Variants in FGF2 observed in about 807,000 individuals in gnomAD.
The protein encoded by FGF2 is fibroblast growth factor 2, also known as basic fibroblast growth factor bFGF.
FGF2 carries 13 observed loss-of-function variants against 15.9 expected under a neutral mutation model. That is an observed-to-expected ratio of 0.82 (90% CI 0.53 to 1.30). The LOEUF (loss-of-function observed/expected upper bound fraction) is 1.30, where lower values mean the gene tolerates loss of function less well. FGF2 is among the 50% of genes most tolerant of loss of function. FGF2 has a pLI of 0.00. For synonymous variants in FGF2, 90 were observed against 78.4 expected (o/e 1.15, Z -0.78); for missense variants, 163 against 196.9 (o/e 0.83, Z 1.03).
chr4:122,867,424 A>G (rs1229841654), intron 1 of FGF2, among the ~76,000 whole-genome samples: 2 of 152,220 alleles, frequency 1.3e-5, no homozygotes, highest in Non-Finnish European at 2.9e-5. Flanking sequence ...AGATGGAGTT[A>G]ATTGATTTGA....
chr4:122,850,469 G>A (rs1157181284), intron 1 of FGF2, among the ~76,000 whole-genome samples: 10 of 152,228 alleles, frequency 6.6e-5, no homozygotes, highest in South Asian at 6.2e-4. Flanking sequence ...AACATTGAGC[G>A]ATGGTGGATG....
chr4:122,868,961 G>A (rs973226725), intron 1 of FGF2, among the ~76,000 whole-genome samples: 2 of 151,974 alleles, frequency 1.3e-5, no homozygotes, highest in Non-Finnish European at 2.9e-5. Context: ...TTTTTGATGA[G>A]GTTGTTTTTT....
At chr4:122,850,524 A>G (rs1726207886) in intron 1 of FGF2, among the ~76,000 whole-genome samples, 1 of 152,154 alleles carries the variant, frequency 6.6e-6, no homozygotes, top group Non-Finnish European at 1.5e-5. Context: ...ATAGCCTCAT[A>G]TATTTTTTGG....
At chr4:122,836,399 A>G (rs113088596) in intron 1 of FGF2, among the ~76,000 whole-genome samples, 8 of 152,272 alleles carry the variant, frequency 5.3e-5, no homozygotes, top group African/African-American at 1.7e-4. Context: ...ATTTCCAGTC[A>G]TGCTTTGGGC....
chr4:122,882,869 G>C (rs1726988266), intron 2 of FGF2: 1 of 152,150 alleles, frequency 6.6e-6, no homozygotes, highest in Non-Finnish European at 1.5e-5. Flanking sequence ...TTGGTGGGCT[G>C]TGTCAATCTT....
At chr4:122,876,881 C>T (rs1726860298) in intron 2 of FGF2, among the ~76,000 whole-genome samples, 1 of 152,078 alleles carries the variant, frequency 6.6e-6, no homozygotes, top group African/African-American at 2.4e-5. Context: ...GTACAGATGC[C>T]GACTCTGCCA....
At chr4:122,839,476 G>A (rs966671251) in intron 1 of FGF2, among the ~76,000 whole-genome samples, 136 of 152,176 alleles carry the variant, frequency 8.9e-4, no homozygotes, top group Middle Eastern at 3.4e-3. Context: ...ACTATGTGAG[G>A]GAATAAAGAC....
In FGF2 at chr4:122,827,167, C is replaced by T; in HGVS notation, c.-8C>T. ...GCTCGGGGATCCCGGCCGGGCCCCG[C>T]AGGGACCATGGCAGCCGGGAGCATC... On this transcript the variant is annotated 5_prime_UTR_variant, in exon 1 of 3. Coordinates refer to ENST00000644866, the MANE Select transcript of FGF2 (RefSeq NM_001361665.2). This position sits in a 1 kb window ranked among gnomAD's most constrained non-coding sequence, Gnocchi z 4.2. 8 of 1,539,972 alleles carry T rather than the reference C, an allele frequency of 5.2e-6. No homozygotes were observed. Among genetic ancestry groups the T allele is most frequent in the Non-Finnish European group, 7.0e-6 (8 of 1,146,738 alleles).
chr4:122,854,312 T>C (rs942847235), intron 1 of FGF2, among the ~76,000 whole-genome samples: 3 of 152,198 alleles, frequency 2.0e-5, no homozygotes, highest in African/African-American at 7.2e-5. Context: ...AAACACAATA[T>C]TTTTGTGAAA....
At chr4:122,863,799 T>C (rs1480913000) in intron 1 of FGF2, among the ~76,000 whole-genome samples, 2 of 152,194 alleles carry the variant, frequency 1.3e-5, no homozygotes, top group Non-Finnish European at 2.9e-5. Context: ...CTGAGATCCA[T>C]AGGCAGGCTG....
chr4:122,871,522 A>G (rs549238866), intron 1 of FGF2, among the ~76,000 whole-genome samples: 7 of 152,046 alleles, frequency 4.6e-5, no homozygotes, highest in African/African-American at 1.2e-4. Flanking sequence ...AACTGGTCCT[A>G]TTACCCGTGC....
chr4:122,892,515 A>AT lies in FGF2; in HGVS notation c.*125dup. On this transcript the variant is annotated 3_prime_UTR_variant, in exon 3 of 3. Coordinates refer to ENST00000644866, the MANE Select transcript of FGF2 (RefSeq NM_001361665.2). ...CTCAGTTTGGATAATTGGTCAAACAATTTTTTATCCAGTAGTAAAATATGT... is the reference window on the plus strand; with the variant it reads ...CTCAGTTTGGATAATTGGTCAAACAATTTTTTTATCCAGTAGTAAAATATGT... 2.0e-6 allele frequency: 3 copies of AT among 1,533,660 alleles called. No individual in the cohort carries two copies. The highest frequency in any genetic ancestry group is 1.2e-5 in the South Asian group (1 of 80,026).
chr4:122,876,546 G>T, intron 2 of FGF2, 122 bp downstream of exon 2: 1 of 719,436 alleles, frequency 1.4e-6, no homozygotes, highest in Non-Finnish European at 2.5e-6. Flanking sequence ...TAGTCACCCT[G>T]TAAAATAGGG....
At chr4:122,885,709 C>G (rs542408466) in intron 2 of FGF2, among the ~76,000 whole-genome samples, 1 of 152,086 alleles carries the variant, frequency 6.6e-6, no homozygotes, top group Middle Eastern at 3.4e-3. Context: ...TAGCTAAAGT[C>G]CATACTTTAT....
intron 1 of FGF2, among the ~76,000 whole-genome samples, chr4:122,841,921 G>A (rs758786643): frequency 6.6e-6 from 1 of 152,144 alleles, no homozygotes; most frequent in African/African-American, 2.4e-5. Context: ...TGGATATTTG[G>A]TTACACCTAC....
chr4:122,830,816 C>CAAAAAAAAAAA (rs35597051), intron 1 of FGF2, among the ~76,000 whole-genome samples: 1 of 92,812 alleles, frequency 1.1e-5, no homozygotes, highest in African/African-American at 3.9e-5. Flanking sequence ...CTCTTATTTA[C>CAAAAAAAAAAA]AAAAAAAAAA....
At chr4:122,835,650 C>T (rs868272730) in intron 1 of FGF2, among the ~76,000 whole-genome samples, 3 of 152,084 alleles carry the variant, frequency 2.0e-5, no homozygotes, top group Non-Finnish European at 2.9e-5. Flanking sequence ...CTACTTCTTT[C>T]GTATATATCT....
At chr4:122,881,706 C>G (rs1455169121) in intron 2 of FGF2, among the ~76,000 whole-genome samples, 2 of 152,186 alleles carry the variant, frequency 1.3e-5, no homozygotes, top group Non-Finnish European at 2.9e-5. Context: ...CCACATTTTC[C>G]TGTCATCTTC....
rs761610705 is a variant in FGF2, at chr4:122,896,909, A to G, written c.*4513A>G. ...TATCAAACAAATACATTGATTTGTC[A>G]TGATACACATTGAATTTGATCCAAT... On this transcript the variant is annotated 3_prime_UTR_variant, in exon 3 of 3. Coordinates refer to ENST00000644866, the MANE Select transcript of FGF2 (RefSeq NM_001361665.2). 6.6e-6 allele frequency: 1 copy of G among 152,240 alleles called. No individual in the cohort carries two copies. The highest frequency in any genetic ancestry group is 2.4e-5 in the African/African-American group (1 of 41,474). 9.4% of individuals were successfully genotyped at this position (152,240 alleles called of 1,614,324 possible).
Sources: gnomAD v4.1 joint callset for allele counts (sites outside exome capture counted in the v4.1 genomes callset) on GRCh38, gnomAD v4.1.1 for gene constraint, Gnocchi (gnomAD v3.1) non-coding constraint, MANE v1.5 for transcripts, NCBI Gene and HGNC (gene_info 2026-07-23, HGNC 2026-07-21) for gene names.